TTC1: variants seen among roughly 807,000 people sequenced by gnomAD.
TTC1 encodes tetratricopeptide repeat protein 1.
A neutral mutation model predicts 37.6 loss-of-function variants in TTC1; 31 were observed. That is an observed-to-expected ratio of 0.82 (90% CI 0.62 to 1.11). The LOEUF is 1.11. Among genes scored for constraint, TTC1 ranks in the 50% most tolerant of loss-of-function variants. The pLI, the probability that TTC1 is intolerant of heterozygous loss-of-function variation, is 0.00. For missense variants in TTC1, 351 were observed against 339.0 expected (o/e 1.04, Z -0.28); for synonymous variants, 127 against 122.4 (o/e 1.04, Z -0.25).
chr5:160,017,224 G>A (rs1030516941), intron 2 of TTC1, among the ~76,000 whole-genome samples: 2 of 152,202 alleles, frequency 1.3e-5, no homozygotes, highest in African/African-American at 2.4e-5. Flanking sequence ...CTATCTTAGT[G>A]TGTTGGAGCT....
intron 4 of TTC1, among the ~76,000 whole-genome samples, chr5:160,040,247 AACACACACACATATGTAT>A (rs1757063990): frequency 1.3e-5 from 2 of 151,858 alleles, no homozygotes; most frequent in Admixed American, 1.3e-4. Context: ...TAGATACATA[AACACACACACATATGTAT>A]ACACACACAC....
intron 2 of TTC1, among the ~76,000 whole-genome samples, chr5:160,033,813 A>T (rs1756958059): frequency 6.6e-6 from 1 of 152,268 alleles, no homozygotes; most frequent in Non-Finnish European, 1.5e-5. Context: ...TCAGTTCCTC[A>T]TGTTAAAAGG....
chr5:160,029,102 A>T (rs958661386), intron 2 of TTC1, among the ~76,000 whole-genome samples: 1 of 152,162 alleles, frequency 6.6e-6, no homozygotes, highest in Non-Finnish European at 1.5e-5. Flanking sequence ...TTCTTGTAGG[A>T]TAGAGCAAAT....
chr5:160,015,387 G>A (rs1756582636), intron 2 of TTC1, among the ~76,000 whole-genome samples: 1 of 151,980 alleles, frequency 6.6e-6, no homozygotes, highest in Admixed American at 6.6e-5. Context: ...ATTTTTTTGT[G>A]TTTGAAATGA....
intron 4 of TTC1, among the ~76,000 whole-genome samples, chr5:160,042,552 C>T (rs1021673832): frequency 3.9e-5 from 6 of 152,166 alleles, no homozygotes; most frequent in Middle Eastern, 3.2e-3. Context: ...CTTTGACATC[C>T]AGTGTTCTTT....
chr5:160,042,861 C>G (rs368239855), intron 4 of TTC1, among the ~76,000 whole-genome samples: 4 of 151,506 alleles, frequency 2.6e-5, no homozygotes, highest in South Asian at 2.1e-4. Flanking sequence ...AAGTGTCTTG[C>G]AAATGTAATA....
chr5:160,039,718 CTG>C (rs1757054704), intron 4 of TTC1, among the ~76,000 whole-genome samples: 1 of 152,108 alleles, frequency 6.6e-6, no homozygotes, highest in Non-Finnish European at 1.5e-5. Context: ...ATTTCAGAAA[CTG>C]TGAAATTGTG....
intron 7 of TTC1, among the ~76,000 whole-genome samples, chr5:160,052,903 A>C (rs1757440866): frequency 6.6e-6 from 1 of 152,226 alleles, no homozygotes; most frequent in Non-Finnish European, 1.5e-5. Context: ...CATTAGACTT[A>C]ACCAACTTAA....
intron 7 of TTC1, among the ~76,000 whole-genome samples, chr5:160,061,082 G>A (rs893450253): frequency 1.3e-5 from 2 of 152,198 alleles, no homozygotes; most frequent in Admixed American, 6.5e-5. Flanking sequence ...ACCGTAGGCT[G>A]ACGGGCCTGG....
intron 5 of TTC1, among the ~76,000 whole-genome samples, chr5:160,045,819 T>C (rs1383760709): frequency 1.3e-5 from 2 of 152,110 alleles, no homozygotes; most frequent in African/African-American, 4.8e-5. Context: ...CTTGGCTCAC[T>C]GCAACCTCTG....
intron 7 of TTC1, among the ~76,000 whole-genome samples, chr5:160,053,326 C>T (rs946243792): frequency 1.3e-5 from 2 of 152,130 alleles, no homozygotes; most frequent in African/African-American, 4.8e-5. Context: ...GGTGTGGTGG[C>T]TCACACCTGT....
chr5:160,050,239 G>A (rs572162654), intron 6 of TTC1, among the ~76,000 whole-genome samples: 39 of 152,242 alleles, frequency 2.6e-4, no homozygotes, highest in African/African-American at 8.9e-4. Context: ...CCTGAGGTCG[G>A]GAGTTCGAGA....
intron 2 of TTC1, among the ~76,000 whole-genome samples, chr5:160,026,720 T>C (rs1756812828): frequency 6.6e-6 from 1 of 152,220 alleles, no homozygotes; most frequent in Non-Finnish European, 1.5e-5. Flanking sequence ...AGTCAACATA[T>C]AATTGAATCT....
chr5:160,038,694 ACT>A (rs1316710382), intron 4 of TTC1, among the ~76,000 whole-genome samples: 1 of 124,692 alleles, frequency 8.0e-6, no homozygotes, highest in Non-Finnish European at 1.6e-5. Context: ...ACGGAGTCTC[ACT>A]CTGTCACCTA....
At chr5:160,060,305 A>G (rs1187302857) in intron 7 of TTC1, among the ~76,000 whole-genome samples, 1 of 152,246 alleles carries the variant, frequency 6.6e-6, no homozygotes, top group Non-Finnish European at 1.5e-5. Flanking sequence ...GAAATTATGT[A>G]TAACAAATCA....
At chr5:160,059,412 G>A (rs774545871) in intron 7 of TTC1, among the ~76,000 whole-genome samples, 14 of 152,202 alleles carry the variant, frequency 9.2e-5, no homozygotes, top group Non-Finnish European at 2.1e-4. Context: ...CCAAGGCTTT[G>A]GCTTAAGGGA....
chr5:160,064,854 G>A (rs1753552230), intron 7 of TTC1, 78 bp from the exon 8 acceptor site: 1 of 1,450,286 alleles, frequency 6.9e-7, no homozygotes, highest in Admixed American at 2.1e-5. Context: ...TGTACTCAGT[G>A]GTAAGGCAAG....
chr5:160,054,617 G>T (rs1405427188), intron 7 of TTC1, among the ~76,000 whole-genome samples: 1 of 141,382 alleles, frequency 7.1e-6, no homozygotes, highest in African/African-American at 2.6e-5. Flanking sequence ...AAAAAAGAAA[G>T]AAAAAAGAAA....
At chr5:160,052,189 G>A (rs935460840) in intron 7 of TTC1, among the ~76,000 whole-genome samples, 2 of 152,210 alleles carry the variant, frequency 1.3e-5, no homozygotes, top group African/African-American at 2.4e-5. Context: ...GGGGGATGGG[G>A]GAGCTTTTCC....
Sources: gnomAD v4.1 joint callset for allele counts (sites outside exome capture counted in the v4.1 genomes callset) on GRCh38, gnomAD v4.1.1 for gene constraint, MANE v1.5 for transcripts, NCBI Gene and HGNC (gene_info 2026-07-23, HGNC 2026-07-21) for gene names.